The following HEBP1 variants were observed in gnomAD, a reference collection of about 807,000 sequenced individuals.
HEBP1 encodes heme-binding protein 1.
A neutral mutation model predicts 20.4 loss-of-function variants in HEBP1; 13 were observed. The ratio of observed to expected loss-of-function variants is 0.64; its 90% CI spans 0.42 to 1.01. The LOEUF (loss-of-function observed/expected upper bound fraction) is 1.01. Ranked by LOEUF, HEBP1 falls within the 50% of genes least tolerant of loss-of-function variation. The probability of loss-of-function intolerance (pLI) is 0.00; values close to 1 mark genes in which losing one functional copy is unlikely to be tolerated. For missense variants in HEBP1, 241 were observed against 247.3 expected (o/e 0.97, Z 0.17); for synonymous variants, 92 against 90.7 (o/e 1.01, Z -0.08).
At chr12:12,999,318 A>C (rs1162039973) in intron 1 of HEBP1, among the ~76,000 whole-genome samples, 2 of 152,240 alleles carry the variant, frequency 1.3e-5, no homozygotes, top group Non-Finnish European at 2.9e-5. Flanking sequence ...TAATAAAATA[A>C]CAGCAATTAT....
intron 3 of HEBP1, chr12:12,979,548 C>T (rs1162915419): frequency 6.6e-6 from 1 of 152,196 alleles, no homozygotes; most frequent in Non-Finnish European, 1.5e-5. Context: ...TGGTTCGTGC[C>T]TCAGCTTCCA....
intron 1 of HEBP1, among the ~76,000 whole-genome samples, chr12:12,993,485 TCCTCTC>T (rs1565494514): frequency 7.8e-6 from 1 of 128,444 alleles, no homozygotes; most frequent in African/African-American, 3.1e-5. Context: ...TTTTTTCTTT[TCCTCTC>T]TCTCTCTCTC....
chr12:12,990,660 A>G (rs968419270), intron 1 of HEBP1, among the ~76,000 whole-genome samples: 1 of 152,150 alleles, frequency 6.6e-6, no homozygotes, highest in Non-Finnish European at 1.5e-5. Context: ...CCCTTTCCCA[A>G]TAAGACCCCC....
intron 3 of HEBP1, among the ~76,000 whole-genome samples, chr12:12,984,936 G>T (rs964803561): frequency 2.0e-5 from 3 of 152,198 alleles, no homozygotes; most frequent in Non-Finnish European, 4.4e-5. Context: ...TGGATCACAA[G>T]GTCAGGAGTT....
At chr12:12,999,754 T>C (rs533008852) in intron 1 of HEBP1, among the ~76,000 whole-genome samples, 1 of 152,230 alleles carries the variant, frequency 6.6e-6, no homozygotes, top group Non-Finnish European at 1.5e-5. Flanking sequence ...AAAGAATGCA[T>C]TCAACAGGCA....
At chr12:12,977,705 C>T (rs1170452342) in intron 3 of HEBP1, 1 of 152,144 alleles carries the variant, frequency 6.6e-6, no homozygotes, top group Non-Finnish European at 1.5e-5. Flanking sequence ...CCTTGTAAAC[C>T]CCATTCTTTA....
intron 1 of HEBP1, among the ~76,000 whole-genome samples, chr12:12,992,226 CAG>C (rs931654239): frequency 6.6e-6 from 1 of 152,130 alleles, no homozygotes; most frequent in African/African-American, 2.4e-5. Context: ...ATTTTTGAGA[CAG>C]AGTCTTGCTC....
At chr12:12,990,803 T>A (rs1159642817) in intron 1 of HEBP1, among the ~76,000 whole-genome samples, 1 of 152,136 alleles carries the variant, frequency 6.6e-6, no homozygotes, top group Non-Finnish European at 1.5e-5. Context: ...GGGGATAACA[T>A]CACTATTGTA....
At chr12:12,981,533 G>C (rs1332840710) in intron 3 of HEBP1, among the ~76,000 whole-genome samples, 1 of 152,114 alleles carries the variant, frequency 6.6e-6, no homozygotes, top group Non-Finnish European at 1.5e-5. Flanking sequence ...TTGGACATGA[G>C]GTGGCTTAAA....
At position 12,987,192 on chromosome 12, in the gene HEBP1, C is replaced by T. The variant is rs780620747; in HGVS notation, c.358G>A (p.Val120Ile). 5.1e-5 allele frequency: 82 copies of T among 1,613,986 alleles called. No homozygotes were observed. Among genetic ancestry groups the T allele is most frequent in the Non-Finnish European group, 6.6e-5 (78 of 1,179,990 alleles). The change falls in exon 3 of 4, where the codon GTT becomes ATT. Residue 120 changes from valine (V) to isoleucine (I), a missense_variant. Val to Ile is a conservative substitution (Grantham distance 29). Transcript: ENST00000014930. ...ATGCCTTCCCGTTCCTCAATCTTAACGCTTTTGTCACTGGGAGCTGGTGGG... is the reference window on the plus strand; with the variant it reads ...ATGCCTTCCCGTTCCTCAATCTTAATGCTTTTGTCACTGGGAGCTGGTGGG... Reference protein sequence around the residue: ...SDPPAPSDKSVKIEEREGITV... With the variant: ...SDPPAPSDKSIKIEEREGITV...
intron 1 of HEBP1, 47 bp from the exon 2 acceptor site, chr12:12,989,462 T>TTC (rs760204191): frequency 1.3e-6 from 2 of 1,598,704 alleles, no homozygotes; most frequent in East Asian, 4.5e-5. Flanking sequence ...AAGTAGCAAC[T>TTC]TGTGATGTCT....
At chr12:12,977,096 A>G (rs1488515246) in intron 3 of HEBP1, among the ~76,000 whole-genome samples, 1 of 152,210 alleles carries the variant, frequency 6.6e-6, no homozygotes, top group Non-Finnish European at 1.5e-5. Context: ...GTGCTCCTCA[A>G]ATGTCTTCCT....
intron 3 of HEBP1, among the ~76,000 whole-genome samples, chr12:12,981,731 A>T (rs1006281827): frequency 6.6e-6 from 1 of 152,184 alleles, no homozygotes; most frequent in African/African-American, 2.4e-5. Context: ...AGAGTAAGTG[A>T]ACAAGAAATC....
chr12:12,987,077 C>T, intron 3 of HEBP1, 75 bp downstream of exon 3: 1 of 1,213,918 alleles, frequency 8.2e-7, no homozygotes, highest in Non-Finnish European at 1.2e-6. Flanking sequence ...GACGCGAATG[C>T]TTGCCAGAGG....
intron 3 of HEBP1, among the ~76,000 whole-genome samples, chr12:12,978,395 G>T (rs7139278): frequency 2.6e-5 from 4 of 151,474 alleles, no homozygotes; most frequent in Non-Finnish European, 5.9e-5. Flanking sequence ...TACAGATGGG[G>T]TTTTGCCGTA....
chr12:12,999,522 C>T (rs967387935), intron 1 of HEBP1, among the ~76,000 whole-genome samples: 1 of 152,200 alleles, frequency 6.6e-6, no homozygotes, highest in Admixed American at 6.5e-5. Flanking sequence ...CATCCTGCTA[C>T]GCAGAATGGC....
At chr12:12,999,972 G>A (rs1864334307) in intron 1 of HEBP1, 65 bp downstream of exon 1, 8 of 1,136,662 alleles carry the variant, frequency 7.0e-6, no homozygotes, top group Non-Finnish European at 1.0e-5. Flanking sequence ...ACCCGCTGCA[G>A]CCCCGACGAG....
At chr12:12,999,262 T>C (rs1184945768) in intron 1 of HEBP1, among the ~76,000 whole-genome samples, 1 of 152,264 alleles carries the variant, frequency 6.6e-6, no homozygotes, top group Non-Finnish European at 1.5e-5. Flanking sequence ...ATACCTATGA[T>C]ATAGTTTAAC....
At chr12:12,975,506 T>A (rs986222845) in intron 3 of HEBP1, 27 bp from the exon 4 acceptor site, 14 of 1,586,892 alleles carry the variant, frequency 8.8e-6, no homozygotes, top group Admixed American at 1.9e-5. Flanking sequence ...AAGGGCTGGT[T>A]ACGAAAGGAC....
Sources: gnomAD v4.1 joint callset for allele counts (sites outside exome capture counted in the v4.1 genomes callset) on GRCh38, gnomAD v4.1.1 for gene constraint, MANE v1.5 for transcripts, NCBI Gene and HGNC (gene_info 2026-07-23, HGNC 2026-07-21) for gene names.